SLC9B1: variants seen among roughly 807,000 people sequenced by gnomAD.
SLC9B1 encodes sodium/hydrogen exchanger 9B1.
Under a neutral mutation model 51.7 loss-of-function variants are expected in SLC9B1, and 32 were observed. The observed-to-expected ratio is 0.62, with a 90% CI of 0.47 to 0.83. The LOEUF (loss-of-function observed/expected upper bound fraction) is 0.83. Ranked by LOEUF, SLC9B1 falls within the 40% of genes least tolerant of loss-of-function variation. The pLI is 0.00. For missense variants in SLC9B1, 406 were observed against 613.2 expected (o/e 0.66, Z 3.57); for synonymous variants, 145 against 212.7 (o/e 0.68, Z 2.77).
chr4:102,935,677 T>C (rs1736685585), intron 6 of SLC9B1, among the ~76,000 whole-genome samples: 1 of 151,444 alleles, frequency 6.6e-6, no homozygotes, highest in African/African-American at 2.4e-5. Context: ...TAAAATTTTC[T>C]TGGGTATGAT....
At chr4:102,975,504 G>T (rs1739006292) in intron 3 of SLC9B1, among the ~76,000 whole-genome samples, 1 of 149,362 alleles carries the variant, frequency 6.7e-6, no homozygotes, top group Non-Finnish European at 1.5e-5. Flanking sequence ...GAAAAGGAGG[G>T]GAATGAGGTT....
At chr4:102,978,756 C>A (rs948963067) in intron 3 of SLC9B1, among the ~76,000 whole-genome samples, 1 of 152,228 alleles carries the variant, frequency 6.6e-6, no homozygotes, top group East Asian at 1.9e-4. Context: ...GTCAGTGTGG[C>A]GATTCCTCAG....
At chr4:102,996,426 T>C (rs1560525366) in intron 1 of SLC9B1, among the ~76,000 whole-genome samples, 1 of 152,226 alleles carries the variant, frequency 6.6e-6, no homozygotes, top group Admixed American at 6.5e-5. Context: ...TTAGAGCTTT[T>C]GTTGTTTAAG....
At chr4:102,909,387 G>T (rs1735224408) in intron 9 of SLC9B1, among the ~76,000 whole-genome samples, 1 of 152,064 alleles carries the variant, frequency 6.6e-6, no homozygotes, top group African/African-American at 2.4e-5. Flanking sequence ...AGTATCACCT[G>T]AGGTCAGGAG....
At chr4:102,938,366 T>A (rs1163199761) in intron 6 of SLC9B1, among the ~76,000 whole-genome samples, 1 of 152,174 alleles carries the variant, frequency 6.6e-6, no homozygotes, top group African/African-American at 2.4e-5. Context: ...GCATTCAGAT[T>A]CATAAAACAA....
chr4:102,964,009 A>T (rs1219911959), intron 3 of SLC9B1, among the ~76,000 whole-genome samples: 1 of 152,072 alleles, frequency 6.6e-6, no homozygotes, highest in Non-Finnish European at 1.5e-5. Context: ...AACCAAAGAA[A>T]CTCAAAATTG....
intron 7 of SLC9B1, among the ~76,000 whole-genome samples, chr4:102,923,325 T>C (rs947882536): frequency 6.6e-5 from 10 of 152,142 alleles, no homozygotes; most frequent in African/African-American, 2.4e-4. Flanking sequence ...ATGATTATCT[T>C]AATAGATGCA....
chr4:102,981,658 G>T, intron 3 of SLC9B1, among the ~76,000 whole-genome samples: 1 of 152,058 alleles, frequency 6.6e-6, no homozygotes, highest in East Asian at 1.9e-4. Context: ...ATCTTATTTC[G>T]TGAGGTTCCT....
At chr4:102,924,909 G>T (rs1736078846) in intron 7 of SLC9B1, among the ~76,000 whole-genome samples, 1 of 152,142 alleles carries the variant, frequency 6.6e-6, no homozygotes, top group Non-Finnish European at 1.5e-5. Context: ...GAAACAACAG[G>T]TGCTGGAGAG....
chr4:102,888,200 T>G (rs945085085), intron 11 of SLC9B1: 3 of 152,196 alleles, frequency 2.0e-5, no homozygotes, highest in African/African-American at 7.2e-5. Flanking sequence ...TAATTCATAT[T>G]AAAATAGTTC....
chr4:102,898,702 A>G (rs1734651897), downstream of SLC9B1, among the ~76,000 whole-genome samples: 1 of 152,190 alleles, frequency 6.6e-6, no homozygotes, highest in Non-Finnish European at 1.5e-5. Flanking sequence ...CAAAAAGTTG[A>G]TAAGAAACAA....
chr4:102,921,513 A>C (rs1735876603), intron 7 of SLC9B1, among the ~76,000 whole-genome samples: 1 of 152,236 alleles, frequency 6.6e-6, no homozygotes, highest in South Asian at 2.1e-4. Flanking sequence ...TTAACGGGCA[A>C]ATAACCAGCA....
chr4:103,006,287 T>C (rs1214721773), intron 1 of SLC9B1, among the ~76,000 whole-genome samples: 8 of 150,994 alleles, frequency 5.3e-5, no homozygotes, highest in African/African-American at 1.9e-4. Context: ...AGAGAGAACA[T>C]CCCAATAAAC....
At chr4:102,885,726 A>G (rs752780844) in intron 11 of SLC9B1, among the ~76,000 whole-genome samples, 7 of 152,212 alleles carry the variant, frequency 4.6e-5, no homozygotes, top group Non-Finnish European at 8.8e-5. Flanking sequence ...GTTTAATGGA[A>G]AAAAGCTTTG....
chr4:103,000,890 T>C (rs187287343), intron 1 of SLC9B1, among the ~76,000 whole-genome samples: 16 of 152,340 alleles, frequency 1.1e-4, no homozygotes, highest in African/African-American at 2.2e-4. Flanking sequence ...TAGTGCCCCA[T>C]TGGGGACCCT....
intron 7 of SLC9B1, 78 bp downstream of exon 7, chr4:102,932,046 C>G (rs1386721770): frequency 2.2e-6 from 3 of 1,387,060 alleles, no homozygotes; most frequent in Non-Finnish European, 3.0e-6. Flanking sequence ...AATGAAGAAG[C>G]AAAGCCAGAA....
At chr4:102,893,577 AATTCAT>A (rs1301347490) in intron 11 of SLC9B1, among the ~76,000 whole-genome samples, 1 of 152,174 alleles carries the variant, frequency 6.6e-6, no homozygotes, top group Non-Finnish European at 1.5e-5. Flanking sequence ...AAGAAAAACC[AATTCAT>A]TTCACATAGG....
intron 1 of SLC9B1, among the ~76,000 whole-genome samples, chr4:103,002,227 A>G (rs893897703): frequency 6.6e-6 from 1 of 152,142 alleles, no homozygotes; most frequent in African/African-American, 2.4e-5. Flanking sequence ...ACCATTTCCT[A>G]ACTTGGTTTA....
At chr4:102,908,998 T>G (rs1400733028) in intron 9 of SLC9B1, among the ~76,000 whole-genome samples, 1 of 152,274 alleles carries the variant, frequency 6.6e-6, no homozygotes, top group Non-Finnish European at 1.5e-5. Flanking sequence ...TGTAAGAAAC[T>G]ACAAGAATTG....
Sources: allele counts gnomAD v4.1 joint callset (sites outside exome capture counted in the v4.1 genomes callset), GRCh38; gene constraint gnomAD v4.1.1; transcripts MANE v1.5; gene names NCBI Gene and HGNC (gene_info 2026-07-23, HGNC 2026-07-21).